The following KCNH1 variants were observed in gnomAD, a reference collection of about 807,000 sequenced individuals.
KCNH1 encodes the protein voltage-gated delayed rectifier potassium channel KCNH1.
Under a neutral mutation model 69.2 loss-of-function variants are expected in KCNH1, and 27 were observed. The ratio of observed to expected loss-of-function variants is 0.39; its 90% confidence interval spans 0.29 to 0.54. The LOEUF (loss-of-function observed/expected upper bound fraction) is 0.54. Among genes scored for constraint, KCNH1 ranks in the 20% least tolerant of loss-of-function variants. The pLI, the probability that KCNH1 is intolerant of heterozygous loss-of-function variation, is 0.68. For missense variants in KCNH1, 798 were observed against 1,261.6 expected (o/e 0.63, Z 5.57); for synonymous variants, 456 against 487.7 (o/e 0.93, Z 0.86).
chr1:210,856,790 T>A (rs1685848494), intron 7 of KCNH1, among the ~76,000 whole-genome samples: 2 of 90,786 alleles, frequency 2.2e-5, no homozygotes, highest in Non-Finnish European at 5.7e-5. Context: ...TATATATATA[T>A]ATATTTATAT....
At chr1:210,801,550 A>T (rs1205183093) in intron 8 of KCNH1, among the ~76,000 whole-genome samples, 1 of 152,200 alleles carries the variant, frequency 6.6e-6, no homozygotes, top group South Asian at 2.1e-4. Flanking sequence ...TGCAGGACAG[A>T]TCTACAGGGA....
intron 7 of KCNH1, chr1:210,860,643 A>G: frequency 1.3e-6 from 1 of 787,246 alleles, no homozygotes; most frequent in Non-Finnish European, 2.3e-6. Flanking sequence ...TAATATGAAG[A>G]AGAGCCTGCA....
At chr1:210,870,466 C>T (rs1214743264) in intron 7 of KCNH1, among the ~76,000 whole-genome samples, 1 of 152,174 alleles carries the variant, frequency 6.6e-6, no homozygotes, top group Non-Finnish European at 1.5e-5. Context: ...GATTCTTAGC[C>T]TCTTTTTTCC....
intron 1 of KCNH1, among the ~76,000 whole-genome samples, chr1:211,118,639 T>TC (rs548137098): frequency 7.9e-4 from 120 of 152,204 alleles, no homozygotes; most frequent in African/African-American, 2.8e-3. Context: ...ACTCCCTTCC[T>TC]CCCCCTACTG....
chr1:210,921,528 G>A (rs1216288521), intron 6 of KCNH1, among the ~76,000 whole-genome samples: 1 of 152,188 alleles, frequency 6.6e-6, no homozygotes, highest in Non-Finnish European at 1.5e-5. Context: ...CAAGCTTTTT[G>A]ATGAACCTAT....
intron 6 of KCNH1, among the ~76,000 whole-genome samples, chr1:210,965,488 A>C (rs1340857852): frequency 2.6e-5 from 4 of 152,090 alleles, no homozygotes; most frequent in Non-Finnish European, 4.4e-5. Flanking sequence ...TTCATATGGC[A>C]CCAAAAAAGA....
intron 6 of KCNH1, among the ~76,000 whole-genome samples, chr1:210,986,815 A>T (rs1688846129): frequency 6.6e-6 from 1 of 152,032 alleles, no homozygotes; most frequent in Non-Finnish European, 1.5e-5. Flanking sequence ...TATTTCCTGA[A>T]TTTGAATGTT....
intron 7 of KCNH1, among the ~76,000 whole-genome samples, chr1:210,895,815 G>A (rs997871806): frequency 1.3e-5 from 2 of 152,050 alleles, no homozygotes; most frequent in African/African-American, 4.8e-5. Flanking sequence ...TGGCAGGACT[G>A]TCTCTCTGCT....
intron 10 of KCNH1, among the ~76,000 whole-genome samples, chr1:210,709,008 T>C (rs1316463650): frequency 6.6e-6 from 1 of 152,102 alleles, no homozygotes; most frequent in East Asian, 1.9e-4. Context: ...CCCAGCACTC[T>C]GGGAGGCTGA....
At chr1:210,968,467 A>G (rs1359167295) in intron 6 of KCNH1, among the ~76,000 whole-genome samples, 1 of 139,172 alleles carries the variant, frequency 7.2e-6, no homozygotes, top group East Asian at 2.1e-4. Context: ...TGGTTGAACT[A>G]GTTTACAGTC....
intron 6 of KCNH1, among the ~76,000 whole-genome samples, chr1:210,959,977 C>T (rs567586838): frequency 1.4e-4 from 21 of 152,314 alleles, no homozygotes; most frequent in Admixed American, 5.2e-4. Flanking sequence ...AGAAATCACC[C>T]GTCTTCTACA....
At chr1:210,846,413 A>C in intron 7 of KCNH1, among the ~76,000 whole-genome samples, 1 of 152,176 alleles carries the variant, frequency 6.6e-6, no homozygotes, top group African/African-American at 2.4e-5. Context: ...CAGAGCCCTC[A>C]GAAATAATGC....
intron 7 of KCNH1, among the ~76,000 whole-genome samples, chr1:210,823,586 A>G (rs890237989): frequency 6.6e-6 from 1 of 152,250 alleles, no homozygotes; most frequent in South Asian, 2.1e-4. Context: ...GTCTTAATAC[A>G]AAATAGCAAA....
rs193106247 is a variant in KCNH1 at position 211,064,696 on chromosome 1, C to T, written c.558+18084G>A. Among the ~76,000 whole-genome samples, 92 of 151,858 alleles carry T rather than the reference C, an allele frequency of 6.1e-4. No homozygotes were observed. In the East Asian group the frequency reaches 0.011, roughly 18 times the overall value. ...CAAGGAAACAATCAGCAAAGTGAAG[C>T]GACAACCTACAGAATGGAAGATCAT... On this transcript the variant is annotated intron_variant, in intron 5 of 10. Transcript: ENST00000271751.
At chr1:210,779,581 G>A (rs559930338) in intron 9 of KCNH1, among the ~76,000 whole-genome samples, 4 of 152,264 alleles carry the variant, frequency 2.6e-5, no homozygotes, top group African/African-American at 9.6e-5. Context: ...AGAACAAAAG[G>A]TACCCCAATG....
intron 6 of KCNH1, among the ~76,000 whole-genome samples, chr1:210,964,649 T>A (rs1391488394): frequency 1.9e-4 from 29 of 152,140 alleles, no homozygotes; most frequent in Admixed American, 1.8e-3. Context: ...TCTGACAGAT[T>A]CACAGCCAAA....
At chr1:211,130,762 T>G (rs550637094) in intron 1 of KCNH1, among the ~76,000 whole-genome samples, 69 of 152,310 alleles carry the variant, frequency 4.5e-4, no homozygotes, top group East Asian at 3.9e-4. Flanking sequence ...AAGGTGATAC[T>G]CTGTGAAAAG....
chr1:210,833,986 T>C (rs546600411), intron 7 of KCNH1, among the ~76,000 whole-genome samples: 14 of 152,276 alleles, frequency 9.2e-5, no homozygotes, highest in African/African-American at 2.9e-4. Context: ...CACAATGAGA[T>C]AGCATCTCAC....
intron 10 of KCNH1, among the ~76,000 whole-genome samples, chr1:210,761,438 CAG>C (rs1442727108): frequency 6.6e-6 from 1 of 151,794 alleles, no homozygotes; most frequent in Non-Finnish European, 1.5e-5. Context: ...AATTAAAATA[CAG>C]AGAGTGGCAA....
Sources: gnomAD v4.1 joint callset for allele counts (sites outside exome capture counted in the v4.1 genomes callset) on GRCh38, gnomAD v4.1.1 for gene constraint, MANE v1.5 for transcripts, NCBI Gene and HGNC (gene_info 2026-07-23, HGNC 2026-07-21) for gene names.